Variants in PCDHGA6 observed in about 807,000 individuals in gnomAD.
The protein encoded by PCDHGA6 is protocadherin gamma-A6.
PCDHGA6 carries 41 observed loss-of-function variants against 60.6 expected under a neutral mutation model. The observed-to-expected ratio is 0.68, with a 90% CI of 0.53 to 0.88. The LOEUF is 0.88. Among genes scored for constraint, PCDHGA6 ranks in the 40% least tolerant of loss-of-function variants. PCDHGA6 has a pLI of 0.00. For missense variants in PCDHGA6, 1,312 were observed against 1,203.0 expected (o/e 1.09, Z -1.34); for synonymous variants, 594 against 524.4 (o/e 1.13, Z -1.81).
At position 141,375,481 on chromosome 5, in the gene PCDHGA6, CA is replaced by C. The variant is rs140643836; in HGVS notation, c.1399del (p.Arg467GlyfsTer8). 6.2e-4 allele frequency: 1,002 copies of C among 1,614,010 alleles called. 20 individuals are homozygous for C. The East Asian group carries it at 0.02, about 31-fold the overall frequency. On this transcript the variant is annotated frameshift_variant, in exon 1 of 4. Transcript: ENST00000517434. LOFTEE classifies it high-confidence loss of function. ...YSVYVLENNP[R>X]GASIFSVNAL... ...CAGTCTATGTCCTTGAAAACAACCC[CA>C]GGGGTGCCTCCATCTTCTCTGTGAA...
chr5:141,498,786 A>T (rs2099785591), intron 2 of PCDHGA6, among the ~76,000 whole-genome samples: 1 of 152,050 alleles, frequency 6.6e-6, no homozygotes, highest in East Asian at 1.9e-4. Context: ...ACAAAATATT[A>T]GCCAGGTGTG....
chr5:141,394,229 T>C, intron 1 of PCDHGA6: 1 of 1,613,872 alleles, frequency 6.2e-7, no homozygotes, highest in Non-Finnish European at 8.5e-7. Flanking sequence ...CCTCCATCTT[T>C]TCCTTGACTG....
In PCDHGA6 at chr5:141,431,494, C is replaced by A; in HGVS notation, c.2424+54987C>A. 6.2e-7 allele frequency: 1 copy of A among 1,613,956 alleles called. No homozygotes were observed. Among genetic ancestry groups the A allele is most frequent in the Middle Eastern group, 1.6e-4 (1 of 6,062 alleles). On this transcript the variant is annotated intron_variant, in intron 1 of 3. Coordinates refer to ENST00000517434, the MANE Select transcript of PCDHGA6 (RefSeq NM_018919.3). This position sits in a 1 kb window ranked among gnomAD's most constrained non-coding sequence, Gnocchi z 4.8. Reference sequence around the variant, plus strand: ...ACAACGCACCAGCGTTTGCTCAGCCCGAGTACCGCGCGAGCGTTCCGGAGA... The same window carrying A: ...ACAACGCACCAGCGTTTGCTCAGCCAGAGTACCGCGCGAGCGTTCCGGAGA...
chr5:141,401,467 G>A (rs1248119954), intron 1 of PCDHGA6, among the ~76,000 whole-genome samples: 1 of 152,196 alleles, frequency 6.6e-6, no homozygotes, highest in Non-Finnish European at 1.5e-5. Context: ...AATTTTCTAA[G>A]TTTATCCAGG....
chr5:141,489,348 G>T lies in PCDHGA6; in HGVS notation c.2425-5459G>T. On this transcript the variant is annotated intron_variant, in intron 1 of 3. Coordinates refer to ENST00000517434, the MANE Select transcript of PCDHGA6 (RefSeq NM_018919.3). The surrounding 1 kb of genome is among the most constrained non-coding windows in gnomAD (Gnocchi z 4.5). ...CTGGGCAGCTTCGTTACTCAGTGGT[G>T]GAGGAGTCTGAGCCGGGGACGCTGG... is the stretch of plus-strand genomic sequence containing the variant. 1 of 1,611,876 alleles carries T rather than the reference G, an allele frequency of 6.2e-7. No homozygotes were observed. The highest frequency in any genetic ancestry group is 8.5e-7 in the Non-Finnish European group (1 of 1,178,502).
chr5:141,400,690 A>G (rs928893484), intron 1 of PCDHGA6: 6 of 790,238 alleles, frequency 7.6e-6, no homozygotes, highest in Non-Finnish European at 8.1e-6. Flanking sequence ...GTGAGTTTTT[A>G]TGTCGCATAA....
chr5:141,508,721 G>A (rs1266581528), intron 3 of PCDHGA6, among the ~76,000 whole-genome samples: 1 of 151,930 alleles, frequency 6.6e-6, no homozygotes, highest in Non-Finnish European at 1.5e-5. Flanking sequence ...TCTGTGTGCA[G>A]GGAGACTACA....
intron 1 of PCDHGA6, among the ~76,000 whole-genome samples, chr5:141,420,624 CTCAA>C (rs1561789527): frequency 1.3e-5 from 2 of 152,278 alleles, no homozygotes; most frequent in Admixed American, 1.3e-4. Context: ...TCTTCATTTA[CTCAA>C]TAAAGGAACC....
chr5:141,415,427 G>C, intron 1 of PCDHGA6: 3 of 1,614,188 alleles, frequency 1.9e-6, no homozygotes, highest in Non-Finnish European at 2.5e-6. Flanking sequence ...GACGGGGTTC[G>C]GGCTTTCCTG....
rs1387677265 is a variant in PCDHGA6 at position 141,486,434 on chromosome 5, T to C, written c.2425-8373T>C. 3 of 1,614,150 alleles carry C rather than the reference T, an allele frequency of 1.9e-6. No homozygotes were observed. The highest frequency in any genetic ancestry group is 2.5e-6 in the Non-Finnish European group (3 of 1,179,986). The stretch of plus-strand genomic sequence containing the variant: ...CTTGGATCGAGAGGCCAAATCTAGC[T>C]ATGACATCATGGTCACTGCTTCTGA... On this transcript the variant is annotated intron_variant, in intron 1 of 3. Coordinates refer to ENST00000517434, the MANE Select transcript of PCDHGA6 (RefSeq NM_018919.3). This position sits in a 1 kb window ranked among gnomAD's most constrained non-coding sequence, Gnocchi z 5.0.
chr5:141,436,973 T>C (rs1209787552), intron 1 of PCDHGA6, among the ~76,000 whole-genome samples: 1 of 152,234 alleles, frequency 6.6e-6, no homozygotes, highest in Non-Finnish European at 1.5e-5. Context: ...TTGTGAAACT[T>C]ATTTTAAAGA....
intron 1 of PCDHGA6, chr5:141,383,475 G>T: frequency 6.2e-7 from 1 of 1,613,594 alleles, no homozygotes; most frequent in Non-Finnish European, 8.5e-7. Flanking sequence ...CTAAGTACCC[G>T]GAACTGGTGC....
chr5:141,409,312 AAC>A (rs762706827), intron 1 of PCDHGA6: 39 of 1,613,880 alleles, frequency 2.4e-5, no homozygotes, highest in Admixed American at 1.7e-4. Flanking sequence ...CCCTCTTCAA[AAC>A]ACGGGATCTG....
chr5:141,471,717 C>T (rs1196344901), intron 1 of PCDHGA6, among the ~76,000 whole-genome samples: 1 of 152,022 alleles, frequency 6.6e-6, no homozygotes, highest in Non-Finnish European at 1.5e-5. Flanking sequence ...GTGCCACTTA[C>T]CAGGTAAGGA....
At chr5:141,508,756 C>A (rs890362975) in intron 3 of PCDHGA6, among the ~76,000 whole-genome samples, 2 of 151,904 alleles carry the variant, frequency 1.3e-5, no homozygotes, top group African/African-American at 4.8e-5. Flanking sequence ...CTTTCTCTGG[C>A]GCCTCTGAGG....
intron 1 of PCDHGA6, among the ~76,000 whole-genome samples, chr5:141,461,345 G>A (rs1277222105): frequency 1.3e-5 from 2 of 152,102 alleles, no homozygotes; most frequent in African/African-American, 4.8e-5. Context: ...CAGGACCAAG[G>A]TGGTAGCTCG....
At chr5:141,484,061 G>A (rs570687480) in intron 1 of PCDHGA6, among the ~76,000 whole-genome samples, 8 of 152,124 alleles carry the variant, frequency 5.3e-5, no homozygotes, top group Non-Finnish European at 1.0e-4. Context: ...CTGGGGCTAA[G>A]TGAAAAGCTT....
chr5:141,384,818 A>G, intron 1 of PCDHGA6: 1 of 1,613,488 alleles, frequency 6.2e-7, no homozygotes, highest in East Asian at 2.2e-5. Context: ...GCCCTCAAGC[A>G]GAGCCTCGTG....
intron 1 of PCDHGA6, chr5:141,405,079 C>G (rs1383258618): frequency 6.2e-7 from 1 of 1,613,898 alleles, no homozygotes; most frequent in South Asian, 1.1e-5. Context: ...CCTTCGTTAT[C>G]ACGCTGCTGG....
Sources: allele counts gnomAD v4.1 joint callset (sites outside exome capture counted in the v4.1 genomes callset), GRCh38; gene constraint gnomAD v4.1.1; non-coding constraint Gnocchi (gnomAD v3.1); transcripts MANE v1.5; gene names NCBI Gene and HGNC (gene_info 2026-07-23, HGNC 2026-07-21).